The following SLC9A2 variants were observed in gnomAD, a reference collection of about 807,000 sequenced individuals.
SLC9A2 encodes the protein sodium/hydrogen exchanger 2.
A neutral mutation model predicts 71.7 loss-of-function variants in SLC9A2; 42 were observed. The observed-to-expected ratio is 0.59, with a 90% confidence interval of 0.46 to 0.76. SLC9A2 has a LOEUF of 0.76. SLC9A2 is among the 30% of genes least tolerant of loss of function. SLC9A2 has a pLI of 0.00. For missense variants in SLC9A2, 829 were observed against 1,017.4 expected, an observed-to-expected ratio of 0.81 and a Z score of 2.52; for synonymous variants, 396 against 392.5, an observed-to-expected ratio of 1.01 and a Z score of -0.10.
Position 102,619,685 on chromosome 2 carries a change from C to T in SLC9A2, c.-164C>T, listed in dbSNP as rs1676093689. 3.6e-6 allele frequency: 2 copies of T among 550,030 alleles called. No individual in the cohort carries two copies. Among genetic ancestry groups the T allele is most frequent in the Admixed American group, 8.5e-5 (2 of 23,492 alleles). The allele number at this position is 550,030 out of a possible 1,614,324, so 34.1% of individuals were successfully genotyped here. On this transcript the variant is annotated 5_prime_UTR_variant, in exon 1 of 12. Transcript: ENST00000233969. This position sits in a 1 kb window ranked among gnomAD's most constrained non-coding sequence, Gnocchi z 4.3. ...CAGTGCGCCTGCTCGCAGCGAGGAC[C>T]TAGCCCTCTGGTTGCAGAGACCCGG...
intron 9 of SLC9A2, 92 bp from the exon 10 acceptor site, chr2:102,704,452 C>T: frequency 1.5e-6 from 2 of 1,291,256 alleles, no homozygotes; most frequent in South Asian, 1.3e-5. Context: ...GGTGCAGATC[C>T]AAAGAAATGT....
intron 10 of SLC9A2, 116 bp downstream of exon 10, chr2:102,704,791 G>A (rs1274014640): frequency 8.6e-7 from 1 of 1,156,080 alleles, no homozygotes; most frequent in East Asian, 2.8e-5. Flanking sequence ...AGTTCTCTGA[G>A]GAGCTGCAGG....
intron 1 of SLC9A2, among the ~76,000 whole-genome samples, chr2:102,645,647 A>C (rs968347195): frequency 4.6e-5 from 7 of 152,066 alleles, no homozygotes; most frequent in African/African-American, 1.7e-4. Context: ...TGAGAACTTC[A>C]TGAAGCATAC....
chr2:102,683,611 G>A (rs41280599), intron 4 of SLC9A2, 133 bp downstream of exon 4: 18,114 of 689,354 alleles, frequency 0.026, 459 homozygotes, highest in African/African-American at 0.1. Flanking sequence ...TCTTACCTAC[G>A]TCTTCCTCCT....
At chr2:102,625,480 C>A (rs1467360329) in intron 1 of SLC9A2, among the ~76,000 whole-genome samples, 1 of 141,600 alleles carries the variant, frequency 7.1e-6, no homozygotes, top group Non-Finnish European at 1.5e-5. Flanking sequence ...CTCCCCCCAC[C>A]GCACAACAGG....
Position 102,631,994 on chromosome 2 carries a change from G to GGA in SLC9A2, c.289+11858_289+11859dup, listed in dbSNP as rs1413781350. ...TCTTCCATTTAATTAATGAAAGTGGGGATATATATATATATATATATATAT... is the reference window on the plus strand; with the variant it reads ...TCTTCCATTTAATTAATGAAAGTGGGGAGATATATATATATATATATATATAT... On this transcript the variant is annotated intron_variant, in intron 1 of 11. Coordinates refer to ENST00000233969, the MANE Select transcript of SLC9A2 (RefSeq NM_003048.6). Among the ~76,000 whole-genome samples the GGA allele has an allele frequency of 7.7e-3, 501 of 64,788 alleles. 14 individuals are homozygous for GGA. The highest frequency in any genetic ancestry group is 0.037 in the African/African-American group (448 of 11,976). The allele number at this position is 64,788 out of a possible 152,430, so 42.5% of individuals were successfully genotyped here.
At chr2:102,665,014 G>A in intron 2 of SLC9A2, 86 bp from the exon 3 acceptor site, 1 of 1,374,360 alleles carries the variant, frequency 7.3e-7, no homozygotes, top group Non-Finnish European at 1.0e-6. Flanking sequence ...GTCCTTATTA[G>A]AAGTCCAGGT....
At chr2:102,652,478 T>C (rs1048568257) in intron 1 of SLC9A2, among the ~76,000 whole-genome samples, 5 of 152,170 alleles carry the variant, frequency 3.3e-5, no homozygotes, top group African/African-American at 7.2e-5. Context: ...CTCCTTGGAA[T>C]AGGAAAATCC....
At position 102,705,468 on chromosome 2, in the gene SLC9A2, GA is replaced by G. The variant is rs147457162; in HGVS notation, c.1978-368del. On this transcript the variant is annotated intron_variant, in intron 10 of 11. Coordinates refer to ENST00000233969, the MANE Select transcript of SLC9A2 (RefSeq NM_003048.6). ...TATCATTTTTAAGATATATTAAAGT[GA>G]AAAAAAAAACACCTTACATATATAT... 1.1e-3 allele frequency among the ~76,000 whole-genome samples: 157 copies of G among 144,400 alleles called. 3 individuals are homozygous for G. The highest frequency in any genetic ancestry group is 1.9e-3 in the African/African-American group (75 of 39,584). The allele number at this position is 144,400 out of a possible 152,430, so 94.7% of individuals were successfully genotyped here.
intron 1 of SLC9A2, among the ~76,000 whole-genome samples, chr2:102,631,480 A>G (rs1019949119): frequency 6.6e-6 from 1 of 151,998 alleles, no homozygotes; most frequent in Non-Finnish European, 1.5e-5. Flanking sequence ...GTTCACTGTG[A>G]CTTCAAATCC....
intron 5 of SLC9A2, among the ~76,000 whole-genome samples, chr2:102,691,976 C>T (rs547522772): frequency 6.6e-6 from 1 of 152,314 alleles, no homozygotes; most frequent in South Asian, 2.1e-4. Flanking sequence ...CTTTAGAACA[C>T]ATTATAGAGT....
chr2:102,657,664 G>A lies in SLC9A2; in HGVS notation c.390G>A (p.Glu130=), dbSNP rs147336616. 5.6e-6 allele frequency: 9 copies of A among 1,613,860 alleles called. No individual in the cohort carries two copies. The highest frequency in any genetic ancestry group is 5.0e-5 in the Admixed American group (3 of 59,998). The change falls in exon 2 of 12, where the codon GAG becomes GAA. Residue 130 remains glutamate, a synonymous_variant. Transcript: ENST00000233969. ...LLGGIIFGVD[E]KSPPAMKTDV... ...GTGGGATTATTTTTGGTGTTGATGAGAAGTCTCCCCCTGCAATGAAGACTG... is the reference window on the plus strand; with the variant it reads ...GTGGGATTATTTTTGGTGTTGATGAAAAGTCTCCCCCTGCAATGAAGACTG...
At chr2:102,666,259 G>T (rs999976659) in intron 3 of SLC9A2, among the ~76,000 whole-genome samples, 4 of 146,292 alleles carry the variant, frequency 2.7e-5, no homozygotes, top group Non-Finnish European at 5.9e-5. Context: ...GCAGCGGCGT[G>T]ATCTCGGCTC....
chr2:102,629,758 C>T (rs1222646099), intron 1 of SLC9A2, among the ~76,000 whole-genome samples: 1 of 152,000 alleles, frequency 6.6e-6, no homozygotes, highest in Non-Finnish European at 1.5e-5. Context: ...TCTGATTTAA[C>T]AGGAGTCAAC....
At chr2:102,624,461 C>T (rs1473804053) in intron 1 of SLC9A2, among the ~76,000 whole-genome samples, 1 of 152,082 alleles carries the variant, frequency 6.6e-6, no homozygotes, top group East Asian at 1.9e-4. Flanking sequence ...TTTAAGATTG[C>T]CTCCTCTGAT....
intron 1 of SLC9A2, among the ~76,000 whole-genome samples, chr2:102,649,249 G>T: frequency 6.6e-6 from 1 of 152,178 alleles, no homozygotes; most frequent in South Asian, 2.1e-4. Flanking sequence ...AATAAACGGT[G>T]CTGGGAAAAC....
intron 1 of SLC9A2, 122 bp downstream of exon 1, chr2:102,620,259 C>A: frequency 2.5e-6 from 2 of 790,956 alleles, no homozygotes; most frequent in Admixed American, 6.6e-5. Flanking sequence ...AGGGCAGGGA[C>A]GACAGATGGA....
Position 102,657,964 on chromosome 2 carries a change from C to T in SLC9A2, c.690C>T (p.His230=), listed in dbSNP as rs773687615. The T allele has an allele frequency of 1.4e-5, 22 of 1,613,942 alleles. No homozygotes were observed. The highest frequency in any genetic ancestry group is 2.7e-5 in the African/African-American group (2 of 74,926). The change falls in exon 2 of 12, where the codon CAC becomes CAT. Residue 230 remains histidine, a synonymous_variant. Coordinates refer to ENST00000233969, the MANE Select transcript of SLC9A2 (RefSeq NM_003048.6). The stretch of plus-strand genomic sequence containing the variant: ...TGCTTGCTGTCTTTGAGAACATTCA[C>T]GTCAATGAGCAGCTCTACATCCTGG... ...VAVLAVFENI[H]VNEQLYILVF...
rs550977957 is a variant in SLC9A2, at chr2:102,706,410, C to T, written c.2068+474C>T. Among the ~76,000 whole-genome samples the T allele has an allele frequency of 7.3e-5, 11 of 151,444 alleles. No homozygotes were observed. In the South Asian group the frequency reaches 8.4e-4, roughly 12 times the overall value. On this transcript the variant is annotated intron_variant, in intron 11 of 11. Transcript: ENST00000233969. ...TGGACACAGGAAGGGGAACATCACA[C>T]GCCAGGGCCTGTTGTGGGGTCGGGG...
Sources: gnomAD v4.1 joint callset for allele counts (sites outside exome capture counted in the v4.1 genomes callset) on GRCh38, gnomAD v4.1.1 for gene constraint, Gnocchi (gnomAD v3.1) non-coding constraint, MANE v1.5 for transcripts, NCBI Gene and HGNC (gene_info 2026-07-23, HGNC 2026-07-21) for gene names.